The following EXT1 variants were observed in gnomAD, a reference collection of about 807,000 sequenced individuals.
The protein encoded by EXT1 is exostosin-1.
In EXT1, 20 loss-of-function variants were observed where a neutral mutation model predicts 82.5. The observed-to-expected ratio is 0.24, with a 90% CI of 0.17 to 0.35. The LOEUF (loss-of-function observed/expected upper bound fraction) is 0.35. Among genes scored for constraint, EXT1 ranks in the 10% least tolerant of loss-of-function variants. EXT1 has a pLI of 1.00. For missense variants in EXT1, 757 were observed against 936.5 expected (o/e 0.81, Z 2.50); for synonymous variants, 348 against 350.8 (o/e 0.99, Z 0.09).
chr8:117,802,649 A>C (rs1373574022), intron 10 of EXT1, among the ~76,000 whole-genome samples: 2 of 152,258 alleles, frequency 1.3e-5, no homozygotes, highest in African/African-American at 4.8e-5. Flanking sequence ...TGCATTTCTC[A>C]GAATGTATCC....
intron 1 of EXT1, among the ~76,000 whole-genome samples, chr8:118,092,853 T>C (rs1275589399): frequency 1.3e-5 from 2 of 152,110 alleles, no homozygotes; most frequent in Non-Finnish European, 2.9e-5. Flanking sequence ...ACTAGGCCAT[T>C]TGTAAAACCC....
intron 1 of EXT1, among the ~76,000 whole-genome samples, chr8:117,935,573 C>A (rs1470322002): frequency 6.6e-6 from 1 of 151,934 alleles, no homozygotes; most frequent in Middle Eastern, 3.2e-3. Flanking sequence ...GTTGCCCAGG[C>A]TGGTCTCAAA....
At chr8:118,048,228 C>T (rs1157297148) in intron 1 of EXT1, among the ~76,000 whole-genome samples, 1 of 152,170 alleles carries the variant, frequency 6.6e-6, no homozygotes, top group African/African-American at 2.4e-5. Context: ...AAAGTGACCT[C>T]TCCATTTTGC....
At chr8:118,006,332 T>C (rs1815774105) in intron 1 of EXT1, among the ~76,000 whole-genome samples, 1 of 152,222 alleles carries the variant, frequency 6.6e-6, no homozygotes, top group South Asian at 2.1e-4. Flanking sequence ...ATATCACTGC[T>C]GTAAAAAATG....
At chr8:118,102,211 G>A (rs896302252) in intron 1 of EXT1, among the ~76,000 whole-genome samples, 57 of 152,028 alleles carry the variant, frequency 3.7e-4, no homozygotes, top group African/African-American at 1.3e-3. Flanking sequence ...AGGTTGCAGT[G>A]AGCCGAGATC....
intron 1 of EXT1, among the ~76,000 whole-genome samples, chr8:118,102,969 C>T (rs796096104): frequency 6.6e-6 from 1 of 152,078 alleles, no homozygotes; most frequent in South Asian, 2.1e-4. Context: ...AGCCTGACCA[C>T]ATGGAGAAAC....
intron 1 of EXT1, among the ~76,000 whole-genome samples, chr8:118,009,162 T>C (rs1220797511): frequency 1.3e-5 from 2 of 152,198 alleles, no homozygotes; most frequent in Non-Finnish European, 2.9e-5. Flanking sequence ...TTGAGAAGTC[T>C]GTGAGTCCTA....
intron 1 of EXT1, among the ~76,000 whole-genome samples, chr8:117,907,329 G>C (rs1362403134): frequency 1.3e-5 from 2 of 152,176 alleles, no homozygotes; most frequent in Non-Finnish European, 1.5e-5. Flanking sequence ...TTCAAACACT[G>C]TGAAACATTT....
At chr8:117,914,004 C>T (rs979059993) in intron 1 of EXT1, among the ~76,000 whole-genome samples, 1 of 152,180 alleles carries the variant, frequency 6.6e-6, no homozygotes, top group African/African-American at 2.4e-5. Flanking sequence ...GACTTCCAAT[C>T]TGAGGACCCA....
chr8:117,976,750 T>C (rs990188229), intron 1 of EXT1, among the ~76,000 whole-genome samples: 5 of 152,232 alleles, frequency 3.3e-5, no homozygotes, highest in African/African-American at 1.2e-4. Flanking sequence ...TAAATAAATA[T>C]GTTTAGATAT....
intron 1 of EXT1, among the ~76,000 whole-genome samples, chr8:117,872,080 C>A (rs1160327191): frequency 6.9e-6 from 1 of 145,270 alleles, no homozygotes; most frequent in Non-Finnish European, 1.5e-5. Flanking sequence ...ATAGAGGCTG[C>A]AGTGAGCTAT....
intron 1 of EXT1, among the ~76,000 whole-genome samples, chr8:117,875,657 G>A (rs7830840): frequency 0.28 from 43,257 of 151,786 alleles, 6,655 homozygotes; most frequent in African/African-American, 0.39. Context: ...GATTTCCACG[G>A]TATTCAAGTT....
chr8:118,110,555 G>A lies in EXT1; in HGVS notation c.492C>T (p.Asp164=). ...TGTGCACATACTGAGGTGACAACTGGTCTCTGTCTAAAGTATCCAGACTCA... is the reference window on the plus strand; with the variant it reads ...TGTGCACATACTGAGGTGACAACTGATCTCTGTCTAAAGTATCCAGACTCA... ...FVLSLDTLDR[D]QLSPQYVHNL... is the part of the protein sequence containing the mutation. The change falls in exon 1 of 11, where the codon GAC becomes GAT. Residue 164 remains aspartate, a synonymous_variant. Transcript: ENST00000378204. 1 of 1,614,176 alleles carries A rather than the reference G, an allele frequency of 6.2e-7. No homozygotes were observed. Among genetic ancestry groups the A allele is most frequent in the Non-Finnish European group, 8.5e-7 (1 of 1,180,034 alleles).
At chr8:117,955,211 G>C (rs1295128798) in intron 1 of EXT1, among the ~76,000 whole-genome samples, 1 of 152,204 alleles carries the variant, frequency 6.6e-6, no homozygotes, top group African/African-American at 2.4e-5. Flanking sequence ...CCGGCATGTG[G>C]ATATGGTTAT....
At chr8:117,983,648 T>A (rs1474603533) in intron 1 of EXT1, among the ~76,000 whole-genome samples, 1 of 152,104 alleles carries the variant, frequency 6.6e-6, no homozygotes, top group East Asian at 1.9e-4. Flanking sequence ...ACAAAGAAGA[T>A]CTTACATTAT....
chr8:117,889,809 A>T (rs1379748373), intron 1 of EXT1, among the ~76,000 whole-genome samples: 2 of 152,312 alleles, frequency 1.3e-5, no homozygotes, highest in East Asian at 3.9e-4. Flanking sequence ...TCATCGTGAG[A>T]TCTAACTACA....
intron 1 of EXT1, among the ~76,000 whole-genome samples, chr8:117,927,431 A>G (rs1264580464): frequency 6.6e-6 from 1 of 152,256 alleles, no homozygotes; most frequent in Non-Finnish European, 1.5e-5. Context: ...AAAAAAAATC[A>G]CAATTTCTCC....
intron 1 of EXT1, among the ~76,000 whole-genome samples, chr8:117,937,102 C>T (rs945308059): frequency 1.3e-5 from 2 of 152,134 alleles, no homozygotes; most frequent in African/African-American, 4.8e-5. Context: ...CCTCAAAACA[C>T]ACCATTTAGC....
chr8:117,992,068 T>C (rs1815445987), intron 1 of EXT1, among the ~76,000 whole-genome samples: 1 of 152,168 alleles, frequency 6.6e-6, no homozygotes, highest in Admixed American at 6.5e-5. Context: ...AAGAAAAGTT[T>C]GTGGCTGGCA....
Sources: gnomAD v4.1 joint callset for allele counts (sites outside exome capture counted in the v4.1 genomes callset) on GRCh38, gnomAD v4.1.1 for gene constraint, MANE v1.5 for transcripts, NCBI Gene and HGNC (gene_info 2026-07-23, HGNC 2026-07-21) for gene names.